Variants in SNCAIP observed in about 807,000 individuals in gnomAD.
The protein encoded by SNCAIP is synuclein alpha interacting protein.
SNCAIP carries 43 observed loss-of-function variants against 86.7 expected under a neutral mutation model. The ratio of observed to expected loss-of-function variants is 0.50; its 90% CI spans 0.39 to 0.64. The LOEUF (loss-of-function observed/expected upper bound fraction) is 0.64. Among genes scored for constraint, SNCAIP ranks in the 30% least tolerant of loss-of-function variants. The pLI, the probability that SNCAIP is intolerant of heterozygous loss-of-function variation, is 0.00. For synonymous variants in SNCAIP, 417 were observed against 427.2 expected (o/e 0.98, Z 0.29); for missense variants, 981 against 1,103.1 (o/e 0.89, Z 1.57).
chr5:122,341,078 G>T (rs1247207030), intron 1 of SNCAIP, among the ~76,000 whole-genome samples: 3 of 152,188 alleles, frequency 2.0e-5, no homozygotes, highest in East Asian at 1.9e-4. Context: ...AGCCTACTTT[G>T]CCGTGAGGAA....
At chr5:122,350,360 T>C (rs1219955883) in intron 1 of SNCAIP, among the ~76,000 whole-genome samples, 1 of 152,218 alleles carries the variant, frequency 6.6e-6, no homozygotes, top group Admixed American at 6.5e-5. Context: ...TAATGGACTA[T>C]TTTAAGATGA....
intron 1 of SNCAIP, among the ~76,000 whole-genome samples, chr5:122,367,595 A>G (rs1185550656): frequency 6.6e-6 from 1 of 152,140 alleles, no homozygotes; most frequent in African/African-American, 2.4e-5. Flanking sequence ...GGCTGGAGTC[A>G]GGCCTGGAGA....
At chr5:122,325,071 T>C (rs932722982) in intron 1 of SNCAIP, among the ~76,000 whole-genome samples, 4 of 152,174 alleles carry the variant, frequency 2.6e-5, no homozygotes, top group Non-Finnish European at 4.4e-5. Context: ...TATTTTGATA[T>C]GGTTTCTTCC....
chr5:122,341,367 A>G lies in SNCAIP; in HGVS notation c.-47+29083A>G, dbSNP rs187459349. 4.9e-3 allele frequency among the ~76,000 whole-genome samples: 750 copies of G among 152,348 alleles called. 3 individuals carry two copies. Among genetic ancestry groups the G allele is most frequent in the Non-Finnish European group, 8.1e-3 (554 of 68,026 alleles). On this transcript the variant is annotated intron_variant, in intron 1 of 10. Coordinates refer to ENST00000261368, the MANE Select transcript of SNCAIP (RefSeq NM_005460.4). The stretch of plus-strand genomic sequence containing the variant: ...GTCATTGGTATTTTCTAACAAATAC[A>G]TAAAAATCGGAAGTGCACACTCTGA...
At chr5:122,344,135 TCTC>T (rs980497682) in intron 1 of SNCAIP, among the ~76,000 whole-genome samples, 3 of 152,264 alleles carry the variant, frequency 2.0e-5, no homozygotes, top group African/African-American at 7.2e-5. Context: ...TGTTTATTGT[TCTC>T]CTCCTCCGCT....
At chr5:122,327,868 T>C (rs1754427644) in intron 1 of SNCAIP, among the ~76,000 whole-genome samples, 1 of 152,202 alleles carries the variant, frequency 6.6e-6, no homozygotes, top group African/African-American at 2.4e-5. Flanking sequence ...TGCCAAGTGC[T>C]ATAGTCAGAA....
intron 4 of SNCAIP, 67 bp downstream of exon 4, chr5:122,423,806 G>C (rs568982023): frequency 5.6e-5 from 76 of 1,358,558 alleles, no homozygotes; most frequent in Non-Finnish European, 7.4e-5. Context: ...AACTGCATTC[G>C]TTAGTAACAG....
chr5:122,368,697 A>G lies in SNCAIP; in HGVS notation c.-46-22392A>G, dbSNP rs1374138796. Among the ~76,000 whole-genome samples, 4 of 152,164 alleles carry G rather than the reference A, an allele frequency of 2.6e-5. No homozygotes were observed. The East Asian group carries it at 7.7e-4, about 29-fold the overall frequency. On this transcript the variant is annotated intron_variant, in intron 1 of 10. Coordinates refer to ENST00000261368, the MANE Select transcript of SNCAIP (RefSeq NM_005460.4). ...TCAGAGTGGCCTGGAGCTCTTATCC[A>G]CATTTCTCAGCAGTTAGCACAGTAA...
At chr5:122,404,979 A>G (rs1772661175) in intron 3 of SNCAIP, among the ~76,000 whole-genome samples, 3 of 152,210 alleles carry the variant, frequency 2.0e-5, no homozygotes, top group Non-Finnish European at 1.5e-5. Context: ...AAAAGCTTTT[A>G]CTTACCTTCA....
At chr5:122,382,008 C>A (rs1315778463) in intron 1 of SNCAIP, among the ~76,000 whole-genome samples, 1 of 152,220 alleles carries the variant, frequency 6.6e-6, no homozygotes, top group East Asian at 1.9e-4. Context: ...GTGAATCTGA[C>A]AATTATGTGT....
intron 1 of SNCAIP, among the ~76,000 whole-genome samples, chr5:122,326,101 A>G (rs983281890): frequency 2.0e-5 from 3 of 152,214 alleles, no homozygotes; most frequent in African/African-American, 7.2e-5. Flanking sequence ...AGCATCTTCA[A>G]CTTAATTACT....
At chr5:122,420,364 G>A (rs1776137805) in intron 3 of SNCAIP, among the ~76,000 whole-genome samples, 1 of 152,124 alleles carries the variant, frequency 6.6e-6, no homozygotes. Flanking sequence ...CAACATAAAA[G>A]AGTAGCCCTT....
chr5:122,425,579 A>T lies in SNCAIP; in HGVS notation c.1182+48A>T, dbSNP rs75441649. 5 of 1,470,154 alleles carry T rather than the reference A, an allele frequency of 3.4e-6. No homozygotes were observed. In the African/African-American group the frequency reaches 6.9e-5, roughly 20 times the overall value. The allele number at this position is 1,470,154 out of a possible 1,614,324, so 91.1% of individuals were successfully genotyped here. On this transcript the variant is annotated intron_variant, in intron 5 of 10. Coordinates refer to ENST00000261368, the MANE Select transcript of SNCAIP (RefSeq NM_005460.4). ...CTCCACAGCTAGAAGCTGGATTTCT[A>T]TTTTTTAAGATTCCTTGTGAGCTAA...
rs554193741 is a variant in SNCAIP at position 122,448,557 on chromosome 5, T to A, written c.1593-1288T>A. 3.7e-3 allele frequency among the ~76,000 whole-genome samples: 530 copies of A among 144,396 alleles called. 4 individuals are homozygous for A. Among genetic ancestry groups the A allele is most frequent in the African/African-American group, 9.8e-3 (386 of 39,384 alleles). 94.7% of individuals were successfully genotyped at this position (144,396 alleles called of 152,430 possible). ...TTTGAAGTATATCCTTCCATATTTTTTATATATATATATCCTTCCATATTT... is the reference window on the plus strand; with the variant it reads ...TTTGAAGTATATCCTTCCATATTTTATATATATATATATCCTTCCATATTT... On this transcript the variant is annotated intron_variant, in intron 8 of 10. Coordinates refer to ENST00000261368, the MANE Select transcript of SNCAIP (RefSeq NM_005460.4).
At chr5:122,432,734 C>T (rs1348114293) in intron 6 of SNCAIP, among the ~76,000 whole-genome samples, 1 of 151,860 alleles carries the variant, frequency 6.6e-6, no homozygotes, top group African/African-American at 2.4e-5. Flanking sequence ...AATTAGTGTA[C>T]ACAGATCACA....
intron 2 of SNCAIP, among the ~76,000 whole-genome samples, chr5:122,391,470 ATACT>A (rs946653348): frequency 3.3e-5 from 5 of 152,218 alleles, no homozygotes; most frequent in African/African-American, 1.2e-4. Context: ...TTGATTGAGT[ATACT>A]TACAAAATGC....
At chr5:122,418,506 T>C (rs957292557) in intron 3 of SNCAIP, among the ~76,000 whole-genome samples, 4 of 152,220 alleles carry the variant, frequency 2.6e-5, no homozygotes, top group African/African-American at 9.6e-5. Context: ...AAATTCAAGT[T>C]CATCATTAAA....
chr5:122,400,925 G>A (rs1771670655), intron 2 of SNCAIP: 7 of 1,447,966 alleles, frequency 4.8e-6, no homozygotes, highest in Non-Finnish European at 5.5e-6. Flanking sequence ...AAATTATAGA[G>A]ATAGAAAATG....
intron 3 of SNCAIP, among the ~76,000 whole-genome samples, chr5:122,421,624 G>C (rs1312603896): frequency 6.6e-6 from 1 of 152,138 alleles, no homozygotes; most frequent in African/African-American, 2.4e-5. Flanking sequence ...TTTCAGAAGA[G>C]AAGCGGTAAA....
Sources: allele counts gnomAD v4.1 joint callset (sites outside exome capture counted in the v4.1 genomes callset), GRCh38; gene constraint gnomAD v4.1.1; transcripts MANE v1.5; gene names NCBI Gene and HGNC (gene_info 2026-07-23, HGNC 2026-07-21).